KCNJ16: variants seen among roughly 807,000 people sequenced by gnomAD.
The protein encoded by KCNJ16 is inward rectifier potassium channel 16.
In KCNJ16, 15 loss-of-function variants were observed where a neutral mutation model predicts 18.5. The observed-to-expected ratio is 0.81, with a 90% CI of 0.54 to 1.25. The LOEUF (loss-of-function observed/expected upper bound fraction) is 1.25, where lower values mean the gene tolerates loss of function less well. KCNJ16 is among the 50% of genes most tolerant of loss of function. The pLI is 0.00. For missense variants in KCNJ16, 523 were observed against 525.7 expected (o/e 0.99, Z 0.05); for synonymous variants, 174 against 186.5 (o/e 0.93, Z 0.55).
At chr17:70,108,662 A>T (rs757699956) in intron 2 of KCNJ16, among the ~76,000 whole-genome samples, 1 of 152,116 alleles carries the variant, frequency 6.6e-6, no homozygotes, top group Admixed American at 6.6e-5. Context: ...TACATTTCAG[A>T]TGTGAAATAT....
At chr17:70,085,159 C>A (rs2071735998) in intron 1 of KCNJ16, among the ~76,000 whole-genome samples, 1 of 152,178 alleles carries the variant, frequency 6.6e-6, no homozygotes. Flanking sequence ...GAAACTATTT[C>A]TGAATCTTTC....
chr17:70,113,204 C>A (rs2073260333), intron 2 of KCNJ16, among the ~76,000 whole-genome samples: 1 of 152,190 alleles, frequency 6.6e-6, no homozygotes. Context: ...AGTAACCACC[C>A]AAGCCAAATA....
chr17:70,098,765 A>C (rs2143810852), intron 1 of KCNJ16, among the ~76,000 whole-genome samples: 1 of 152,254 alleles, frequency 6.6e-6, no homozygotes, highest in Non-Finnish European at 1.5e-5. Flanking sequence ...TTTGAAGTTG[A>C]ATTTTGAGTG....
At chr17:70,107,285 C>T (rs967298776) in intron 2 of KCNJ16, among the ~76,000 whole-genome samples, 3 of 152,110 alleles carry the variant, frequency 2.0e-5, no homozygotes, top group Admixed American at 2.0e-4. Context: ...GTTTGCATCA[C>T]TTAATAATTC....
chr17:70,075,844 T>G (rs1037155597), intron 1 of KCNJ16, among the ~76,000 whole-genome samples: 1 of 3,494 alleles, frequency 2.9e-4, no homozygotes, highest in Admixed American at 2.1e-3. Context: ...CACGTTAACT[T>G]TTTTTTATAG....
At chr17:70,122,925 A>G (rs1306521888) in intron 2 of KCNJ16, among the ~76,000 whole-genome samples, 4 of 152,120 alleles carry the variant, frequency 2.6e-5, no homozygotes, top group African/African-American at 9.7e-5. Flanking sequence ...GGCTTCTGAT[A>G]CCTTCTCTGG....
intron 2 of KCNJ16, among the ~76,000 whole-genome samples, chr17:70,122,291 G>A (rs2073673012): frequency 1.3e-5 from 2 of 151,736 alleles, no homozygotes; most frequent in Non-Finnish European, 2.9e-5. Context: ...TCCTGCCTCA[G>A]TCTCCCAAGT....
intron 2 of KCNJ16, 112 bp downstream of exon 2, chr17:70,100,878 T>C (rs1383988059): frequency 6.6e-6 from 1 of 152,250 alleles, no homozygotes; most frequent in African/African-American, 2.4e-5. Context: ...TCCAGCTTTC[T>C]ACTTATACGT....
At chr17:70,112,221 G>A (rs1318349433) in intron 2 of KCNJ16, among the ~76,000 whole-genome samples, 2 of 152,122 alleles carry the variant, frequency 1.3e-5, no homozygotes, top group Non-Finnish European at 2.9e-5. Context: ...AGGTTTTAGC[G>A]ACATTTGGCC....
At chr17:70,081,038 T>C (rs933387133) in intron 1 of KCNJ16, among the ~76,000 whole-genome samples, 1 of 152,222 alleles carries the variant, frequency 6.6e-6, no homozygotes, top group Admixed American at 6.5e-5. Context: ...TCTTGTAATA[T>C]GTTATTGAGT....
chr17:70,119,956 C>T (rs1212285319), intron 2 of KCNJ16, among the ~76,000 whole-genome samples: 1 of 152,202 alleles, frequency 6.6e-6, no homozygotes, highest in Non-Finnish European at 1.5e-5. Flanking sequence ...CAAACTTTTA[C>T]ACTCTGCTTC....
At chr17:70,106,387 T>G (rs1183627251) in intron 2 of KCNJ16, among the ~76,000 whole-genome samples, 2 of 152,198 alleles carry the variant, frequency 1.3e-5, no homozygotes, top group Non-Finnish European at 2.9e-5. Flanking sequence ...TTTAATTTCA[T>G]TTGATAATTG....
intron 1 of KCNJ16, among the ~76,000 whole-genome samples, chr17:70,078,464 T>C (rs899294085): frequency 6.6e-6 from 1 of 152,228 alleles, no homozygotes; most frequent in African/African-American, 2.4e-5. Context: ...GTTACATGGC[T>C]TCAGATTGTA....
chr17:70,109,677 G>T (rs866032507), intron 2 of KCNJ16, among the ~76,000 whole-genome samples: 56 of 152,112 alleles, frequency 3.7e-4, no homozygotes, highest in African/African-American at 1.4e-3. Flanking sequence ...ATAGCTGGAT[G>T]CGTCCCAAGA....
At chr17:70,077,333 G>A (rs1000942201) in intron 1 of KCNJ16, among the ~76,000 whole-genome samples, 9 of 152,294 alleles carry the variant, frequency 5.9e-5, no homozygotes, top group South Asian at 4.1e-4. Flanking sequence ...GGAGTATTGC[G>A]GATGACAGGC....
At chr17:70,123,813 A>G (rs1189946497) in intron 2 of KCNJ16, among the ~76,000 whole-genome samples, 1 of 152,162 alleles carries the variant, frequency 6.6e-6, no homozygotes, top group East Asian at 1.9e-4. Flanking sequence ...GACTGTAACC[A>G]CGGTAGCAGA....
At chr17:70,077,537 G>A (rs2071366358) in intron 1 of KCNJ16, among the ~76,000 whole-genome samples, 2 of 152,200 alleles carry the variant, frequency 1.3e-5, no homozygotes, top group African/African-American at 4.8e-5. Flanking sequence ...TCTCAACACA[G>A]AAGCCAGGCC....
intron 2 of KCNJ16, among the ~76,000 whole-genome samples, chr17:70,111,063 G>C (rs547104537): frequency 1.3e-5 from 2 of 152,186 alleles, no homozygotes; most frequent in South Asian, 2.1e-4. Context: ...CTGGTGTCTG[G>C]AGTTGCAGGG....
intron 1 of KCNJ16, among the ~76,000 whole-genome samples, chr17:70,075,900 ATTTAT>A (rs2071285385): frequency 6.6e-6 from 1 of 151,932 alleles, no homozygotes; most frequent in Non-Finnish European, 1.5e-5. Context: ...TTTTTTCTAG[ATTTAT>A]TTTAACATAA....
Sources: allele counts gnomAD v4.1 joint callset (sites outside exome capture counted in the v4.1 genomes callset), GRCh38; gene constraint gnomAD v4.1.1; transcripts MANE v1.5; gene names NCBI Gene and HGNC (gene_info 2026-07-23, HGNC 2026-07-21).